The following DLGAP2 variants were observed in gnomAD, a reference collection of about 807,000 sequenced individuals.
The protein encoded by DLGAP2 is DLG associated protein 2, also known as disks large-associated protein 2.
DLGAP2 carries 26 observed loss-of-function variants against 100.3 expected under a neutral mutation model. The observed-to-expected ratio is 0.26, with a 90% CI of 0.19 to 0.36. The LOEUF is 0.36. DLGAP2 is among the 10% of genes least tolerant of loss of function. DLGAP2 has a pLI of 1.00. For synonymous variants in DLGAP2, 886 were observed against 630.1 expected, an observed-to-expected ratio of 1.41 and a Z score of -6.08; for missense variants, 1,858 against 1,453.2, an observed-to-expected ratio of 1.28 and a Z score of -4.53.
chr8:1,189,468 G>A (rs1487590991), intron 2 of DLGAP2, among the ~76,000 whole-genome samples: 1 of 152,310 alleles, frequency 6.6e-6, no homozygotes, highest in Admixed American at 6.5e-5. Flanking sequence ...GTTTAAACCA[G>A]ACCTTCTTTT....
chr8:1,254,829 C>G lies in DLGAP2; in HGVS notation c.74-4022C>G, dbSNP rs527451802. ...TCACTGCGCTCCCACAAAGACCGCT[C>G]CTGACTTTTCCTCCGTGGGCCTCAC... On this transcript the variant is annotated intron_variant, in intron 2 of 14. Coordinates refer to ENST00000637795, the MANE Select transcript of DLGAP2 (RefSeq NM_001346810.2). Among the ~76,000 whole-genome samples the G allele has an allele frequency of 7.2e-5, 10 of 138,366 alleles. No homozygotes were observed. In the South Asian group the frequency reaches 1.9e-3, roughly 26 times the overall value. The allele number at this position is 138,366 out of a possible 152,430, so 90.8% of individuals were successfully genotyped here.
At chr8:836,448 G>A (rs1796877639) in intron 1 of DLGAP2, among the ~76,000 whole-genome samples, 2 of 152,210 alleles carry the variant, frequency 1.3e-5, no homozygotes, top group Admixed American at 1.3e-4. Flanking sequence ...CAGGCGCCCT[G>A]GCAGGGATGG....
In DLGAP2 at chr8:1,440,263, C is replaced by T. The variant is rs547501141; in HGVS notation, c.107-61103C>T. 3.0e-4 allele frequency among the ~76,000 whole-genome samples: 46 copies of T among 152,274 alleles called. 1 individual carries two copies. The highest frequency in any genetic ancestry group is 9.9e-4 in the African/African-American group (41 of 41,566). On this transcript the variant is annotated intron_variant, in intron 3 of 14. Coordinates refer to ENST00000637795, the MANE Select transcript of DLGAP2 (RefSeq NM_001346810.2). Reference sequence around the variant, plus strand: ...GTATCTATTTTGAGTTCAAGTTCTCCTTTAGCATACTTTTAAATTCAGGGT... The same window carrying T: ...GTATCTATTTTGAGTTCAAGTTCTCTTTTAGCATACTTTTAAATTCAGGGT...
intron 2 of DLGAP2, among the ~76,000 whole-genome samples, chr8:1,080,621 G>T (rs1331145185): frequency 6.6e-6 from 1 of 152,190 alleles, no homozygotes; most frequent in Non-Finnish European, 1.5e-5. Context: ...TCATCAGGCG[G>T]AACAGGGACC....
At chr8:1,510,317 T>C (rs1018534842) in intron 4 of DLGAP2, among the ~76,000 whole-genome samples, 16 of 152,150 alleles carry the variant, frequency 1.1e-4, no homozygotes, top group African/African-American at 3.9e-4. Flanking sequence ...GAAGTGAAGG[T>C]CCGCTGTCGG....
intron 6 of DLGAP2, among the ~76,000 whole-genome samples, chr8:1,576,214 G>C (rs575646936): frequency 3.7e-4 from 56 of 152,270 alleles, no homozygotes; most frequent in African/African-American, 1.3e-3. Context: ...TTCTCTGATG[G>C]CCAGTGATGA....
chr8:979,424 G>C (rs146300003), intron 2 of DLGAP2, among the ~76,000 whole-genome samples: 2 of 152,196 alleles, frequency 1.3e-5, no homozygotes, highest in African/African-American at 4.8e-5. Flanking sequence ...CTAAAAATGT[G>C]CTGCCACCAA....
intron 2 of DLGAP2, among the ~76,000 whole-genome samples, chr8:1,113,770 G>A (rs1227592912): frequency 1.3e-5 from 2 of 152,086 alleles, no homozygotes; most frequent in African/African-American, 4.8e-5. Flanking sequence ...TCCTTGTCTT[G>A]TGCTAGTTTT....
intron 3 of DLGAP2, among the ~76,000 whole-genome samples, chr8:1,360,247 C>CGGGGT: frequency 2.2e-5 from 1 of 44,708 alleles, no homozygotes; most frequent in East Asian, 6.8e-4. Context: ...GGGGCTTCTC[C>CGGGGT]GGGGCGGGGC....
At chr8:1,200,026 A>G (rs1797836642) in intron 2 of DLGAP2, among the ~76,000 whole-genome samples, 1 of 150,982 alleles carries the variant, frequency 6.6e-6, no homozygotes, top group African/African-American at 2.4e-5. Flanking sequence ...AAGTGTGGGG[A>G]GGCTGGGGGT....
chr8:761,373 C>T (rs563292421), intron 1 of DLGAP2, among the ~76,000 whole-genome samples: 12 of 152,316 alleles, frequency 7.9e-5, no homozygotes, highest in African/African-American at 1.4e-4. Flanking sequence ...CACCTCGAAT[C>T]GGGAGCAGAC....
chr8:1,309,404 C>G (rs1454335570), intron 3 of DLGAP2, among the ~76,000 whole-genome samples: 1 of 152,058 alleles, frequency 6.6e-6, no homozygotes, highest in African/African-American at 2.4e-5. Context: ...CCAGAAAAAG[C>G]TTATCTCTTG....
intron 2 of DLGAP2, among the ~76,000 whole-genome samples, chr8:1,141,452 A>T (rs1334979815): frequency 1.3e-5 from 2 of 152,222 alleles, no homozygotes; most frequent in South Asian, 2.1e-4. Context: ...AATTCCACAC[A>T]GCTGATGGTT....
In DLGAP2 at chr8:1,318,696, C is replaced by G. The variant is rs1309120957; in HGVS notation, c.106+59813C>G. Among the ~76,000 whole-genome samples, 6 of 151,638 alleles carry G rather than the reference C, an allele frequency of 4.0e-5. No homozygotes were observed. The East Asian group carries it at 7.8e-4, about 20-fold the overall frequency. On this transcript the variant is annotated intron_variant, in intron 3 of 14. Transcript: ENST00000637795. ...AAGCAACATACTAAGTTACCACTTT[C>G]AAAATGAAAATTGAGTGGTTCCTAT...
chr8:1,682,478 TA>T (rs1169166392), intron 12 of DLGAP2, among the ~76,000 whole-genome samples: 1 of 120,092 alleles, frequency 8.3e-6, no homozygotes, highest in Non-Finnish European at 1.7e-5. Context: ...GGATATATAG[TA>T]TTTTTTTTTT....
intron 3 of DLGAP2, among the ~76,000 whole-genome samples, chr8:1,483,480 G>A (rs925275340): frequency 6.8e-6 from 1 of 146,802 alleles, no homozygotes; most frequent in Non-Finnish European, 1.5e-5. Context: ...TCTCCACAGG[G>A]CAGGGAGGCA....
chr8:1,317,243 G>C (rs1436620611), intron 3 of DLGAP2, among the ~76,000 whole-genome samples: 13 of 139,788 alleles, frequency 9.3e-5, no homozygotes, highest in South Asian at 2.3e-4. Flanking sequence ...TTTAAAAATA[G>C]AGCGTGTGCG....
At chr8:1,577,042 G>A (rs2956929) in intron 6 of DLGAP2, among the ~76,000 whole-genome samples, 60,459 of 152,052 alleles carry the variant, frequency 0.4, 12,931 homozygotes, top group South Asian at 0.54. Context: ...CAGTAACCGA[G>A]ACAGGAGGAT....
intron 2 of DLGAP2, among the ~76,000 whole-genome samples, chr8:997,814 A>G (rs145103813): frequency 1.5e-3 from 226 of 152,332 alleles, no homozygotes; most frequent in African/African-American, 5.0e-3. Context: ...GCTTATACCT[A>G]TGCATACATA....
Sources: allele counts gnomAD v4.1 joint callset (sites outside exome capture counted in the v4.1 genomes callset), GRCh38; gene constraint gnomAD v4.1.1; transcripts MANE v1.5; gene names NCBI Gene and HGNC (gene_info 2026-07-23, HGNC 2026-07-21).